PCNX2: variants seen among roughly 807,000 people sequenced by gnomAD.
PCNX2 encodes pecanex 2.
A neutral mutation model predicts 223.8 loss-of-function variants in PCNX2; 168 were observed. The observed-to-expected ratio is 0.75, with a 90% CI of 0.66 to 0.85. PCNX2 has a LOEUF of 0.85. PCNX2 is among the 40% of genes least tolerant of loss of function. PCNX2 has a pLI of 0.00. For synonymous variants in PCNX2, 1,006 were observed against 1,052.6 expected (o/e 0.96, Z 0.86); for missense variants, 2,507 against 2,675.5 (o/e 0.94, Z 1.39).
intron 22 of PCNX2, among the ~76,000 whole-genome samples, chr1:233,092,344 G>C (rs1000559654): frequency 6.6e-6 from 1 of 152,150 alleles, no homozygotes; most frequent in Non-Finnish European, 1.5e-5. Flanking sequence ...GTCTTGCATG[G>C]TCTCTACACA....
At chr1:233,157,640 A>T (rs12029587) in intron 19 of PCNX2, among the ~76,000 whole-genome samples, 10,513 of 152,234 alleles carry the variant, frequency 0.069, 573 homozygotes, top group East Asian at 0.31. Flanking sequence ...GGCCTGAGTT[A>T]CCTGTACATG....
intron 23 of PCNX2, among the ~76,000 whole-genome samples, chr1:233,064,648 G>A (rs529561219): frequency 5.7e-4 from 87 of 152,306 alleles, no homozygotes; most frequent in African/African-American, 2.1e-3. Context: ...GGCAGTGATA[G>A]TGGGTTTTGC....
intron 23 of PCNX2, among the ~76,000 whole-genome samples, chr1:233,072,408 T>A (rs1465807869): frequency 6.6e-6 from 1 of 152,148 alleles, no homozygotes; most frequent in Non-Finnish European, 1.5e-5. Flanking sequence ...AATCTGTCCC[T>A]CATTGCTTGT....
chr1:233,032,424 A>G (rs1223953790), intron 25 of PCNX2, among the ~76,000 whole-genome samples: 1 of 152,194 alleles, frequency 6.6e-6, no homozygotes, highest in African/African-American at 2.4e-5. Flanking sequence ...GAAATATATC[A>G]CACAAAGAAA....
intron 8 of PCNX2, among the ~76,000 whole-genome samples, chr1:233,242,315 T>C (rs916674154): frequency 2.0e-5 from 3 of 152,190 alleles, no homozygotes; most frequent in Non-Finnish European, 4.4e-5. Flanking sequence ...TAAAAACAAG[T>C]TGAAGTTCCA....
upstream of PCNX2, among the ~76,000 whole-genome samples, chr1:233,300,708 C>T (rs1662243968): frequency 6.6e-6 from 1 of 152,172 alleles, no homozygotes; most frequent in Non-Finnish European, 1.5e-5. Context: ...ATCGTACTAG[C>T]AGAGGATTGA....
At chr1:233,231,605 G>GT in intron 9 of PCNX2, 1 of 962,398 alleles carries the variant, frequency 1.0e-6, no homozygotes, top group Non-Finnish European at 1.2e-6. Flanking sequence ...TTCTCAGAAC[G>GT]TATCTGTAGA....
intron 23 of PCNX2, among the ~76,000 whole-genome samples, chr1:233,070,959 C>A (rs1164929418): frequency 1.3e-5 from 2 of 152,136 alleles, no homozygotes; most frequent in African/African-American, 4.8e-5. Flanking sequence ...ATGGGTGAAC[C>A]CGGGAGGCGG....
At chr1:233,028,609 T>C (rs1671162560) in intron 25 of PCNX2, among the ~76,000 whole-genome samples, 1 of 152,152 alleles carries the variant, frequency 6.6e-6, no homozygotes, top group South Asian at 2.1e-4. Flanking sequence ...ACAAAACAAA[T>C]AGGTGTGAGG....
chr1:232,986,479 G>A lies in PCNX2; in HGVS notation c.5853C>T (p.Pro1951=), dbSNP rs377104568. 1.9e-6 allele frequency: 3 copies of A among 1,597,548 alleles called. No individual in the cohort carries two copies. Among genetic ancestry groups the A allele is most frequent in the African/African-American group, 1.3e-5 (1 of 74,728 alleles). The change falls in exon 33 of 34, where the codon CCC becomes CCT. Residue 1951 remains proline (P), a synonymous_variant. Coordinates refer to ENST00000258229, the MANE Select transcript of PCNX2 (RefSeq NM_014801.4). ...QAHSALSQRP[P]MLSSSGPILE... Reference sequence around the variant, plus strand: ...AGATGGGGCCAGATGAGCTCAGCATGGGCGGCCTTTGGCTTAGCGCTGAGT... The same window carrying A: ...AGATGGGGCCAGATGAGCTCAGCATAGGCGGCCTTTGGCTTAGCGCTGAGT...
In PCNX2 at chr1:233,195,855, T is replaced by C. The variant is rs527775826; in HGVS notation, c.3066+3084A>G. The stretch of plus-strand genomic sequence containing the variant: ...AGTTAAGATGTCAGTTCTCCCCAAA[T>C]TGATCTACAAATTCATCATAATCCC... On this transcript the variant is annotated intron_variant, in intron 15 of 33. Transcript: ENST00000258229. Among the ~76,000 whole-genome samples the C allele has an allele frequency of 7.2e-5, 11 of 152,280 alleles. No individual in the cohort carries two copies. In the South Asian group the frequency reaches 2.1e-3, roughly 29 times the overall value.
chr1:233,061,508 G>A (rs1238024293), intron 23 of PCNX2, among the ~76,000 whole-genome samples: 1 of 152,140 alleles, frequency 6.6e-6, no homozygotes, highest in African/African-American at 2.4e-5. Context: ...CAGCCTTACT[G>A]GGCCTGGGTT....
intron 25 of PCNX2, among the ~76,000 whole-genome samples, chr1:233,041,138 C>T (rs1024668735): frequency 6.6e-5 from 10 of 152,118 alleles, no homozygotes; most frequent in African/African-American, 2.4e-4. Context: ...TTGGTTCAAC[C>T]CAGTCTTGGT....
At chr1:233,179,780 C>T (rs1372121664) in intron 15 of PCNX2, among the ~76,000 whole-genome samples, 1 of 152,238 alleles carries the variant, frequency 6.6e-6, no homozygotes, top group Non-Finnish European at 1.5e-5. Context: ...CATGTCTGGA[C>T]AGGCCCAGGC....
At chr1:233,053,936 C>G (rs2102875342) in intron 25 of PCNX2, among the ~76,000 whole-genome samples, 1 of 152,304 alleles carries the variant, frequency 6.6e-6, no homozygotes, top group South Asian at 2.1e-4. Flanking sequence ...CAAGGTCGGG[C>G]TGACTCCATT....
At chr1:233,270,183 G>T (rs1660571992) in intron 1 of PCNX2, among the ~76,000 whole-genome samples, 1 of 152,042 alleles carries the variant, frequency 6.6e-6, no homozygotes, top group Non-Finnish European at 1.5e-5. Flanking sequence ...GAGGACAGGT[G>T]TGTATACAAA....
At chr1:233,070,129 C>CA (rs572768566) in intron 23 of PCNX2, among the ~76,000 whole-genome samples, 71 of 152,020 alleles carry the variant, frequency 4.7e-4, no homozygotes, top group African/African-American at 1.4e-3. Flanking sequence ...ACCAGTTCCT[C>CA]AAAAAAACCC....
In PCNX2 at chr1:233,139,733, G is replaced by A; in HGVS notation, c.3640C>T (p.His1214Tyr). 6.2e-7 allele frequency: 1 copy of A among 1,605,610 alleles called. No individual in the cohort carries two copies. Among genetic ancestry groups the A allele is most frequent in the Middle Eastern group, 1.7e-4 (1 of 5,894 alleles). Reference protein sequence around the residue: ...LTIDAFLISNHRRLGTHWDIF... With the variant: ...LTIDAFLISNYRRLGTHWDIF... ...ACTTACTGGGTACCAAGTCTCCGGT[G>A]ATTGCTTATTAAAAATGCATCAATA... Residue 1214 changes from histidine (H) to tyrosine (Y), a missense_variant, in exon 20 of 34, where the codon CAC (histidine) becomes TAC (tyrosine). His to Tyr is a moderately conservative substitution (Grantham distance 83). Coordinates refer to ENST00000258229, the MANE Select transcript of PCNX2 (RefSeq NM_014801.4). The surrounding 1 kb of genome is among the most constrained non-coding windows in gnomAD (Gnocchi z 4.4).
chr1:233,062,003 C>T (rs1460538924), intron 23 of PCNX2, among the ~76,000 whole-genome samples: 2 of 152,198 alleles, frequency 1.3e-5, no homozygotes, highest in African/African-American at 2.4e-5. Context: ...AGGTGATCCA[C>T]CTGCCTCGGC....
Sources: allele counts gnomAD v4.1 joint callset (sites outside exome capture counted in the v4.1 genomes callset), GRCh38; gene constraint gnomAD v4.1.1; non-coding constraint Gnocchi (gnomAD v3.1); transcripts MANE v1.5; gene names NCBI Gene and HGNC (gene_info 2026-07-23, HGNC 2026-07-21).